COL28A1: variants seen among roughly 807,000 people sequenced by gnomAD.
COL28A1 encodes the protein collagen alpha-1(XXVIII) chain.
A neutral mutation model predicts 150.2 loss-of-function variants in COL28A1; 161 were observed. That is an observed-to-expected ratio of 1.07 (90% CI 0.94 to 1.22). The LOEUF is 1.22. COL28A1 is among the 50% of genes most tolerant of loss of function. COL28A1 has a pLI of 0.00. For synonymous variants in COL28A1, 552 were observed against 469.7 expected (o/e 1.18, Z -2.26); for missense variants, 1,617 against 1,388.3 (o/e 1.16, Z -2.62).
chr7:7,538,497 C>T (rs1228346687), upstream of COL28A1, among the ~76,000 whole-genome samples: 2 of 152,156 alleles, frequency 1.3e-5, no homozygotes, highest in Admixed American at 1.3e-4. Flanking sequence ...GTCTGTGATA[C>T]AATAAATTGC....
At chr7:7,365,852 G>A (rs373384418) in intron 33 of COL28A1, among the ~76,000 whole-genome samples, 29 of 152,046 alleles carry the variant, frequency 1.9e-4, no homozygotes, top group Non-Finnish European at 1.5e-5. Flanking sequence ...CTTCTTGATT[G>A]ATTCTCCCCA....
At chr7:7,421,406 C>G (rs756212798) in intron 25 of COL28A1, among the ~76,000 whole-genome samples, 7 of 152,066 alleles carry the variant, frequency 4.6e-5, no homozygotes, top group Admixed American at 6.5e-5. Context: ...AGCAAATTTA[C>G]TTAAAGAACC....
chr7:7,477,395 C>T (rs1788986452), intron 13 of COL28A1, among the ~76,000 whole-genome samples: 1 of 152,180 alleles, frequency 6.6e-6, no homozygotes, highest in South Asian at 2.1e-4. Flanking sequence ...ACAGCATTTA[C>T]ATTGTATTAG....
At chr7:7,454,104 C>A (rs1203349014) in intron 16 of COL28A1, among the ~76,000 whole-genome samples, 6 of 152,102 alleles carry the variant, frequency 3.9e-5, no homozygotes, top group African/African-American at 1.4e-4. Flanking sequence ...CATATGTGTA[C>A]ATTTGTATAT....
At chr7:7,354,894 T>C (rs566275373), downstream of COL28A1, among the ~76,000 whole-genome samples, 23 of 152,196 alleles carry the variant, frequency 1.5e-4, no homozygotes, top group African/African-American at 5.1e-4. Context: ...AAAGAGCTAA[T>C]AGGCTCCTAA....
intron 18 of COL28A1, among the ~76,000 whole-genome samples, chr7:7,449,977 A>T (rs1786558228): frequency 6.6e-6 from 1 of 152,152 alleles, no homozygotes; most frequent in African/African-American, 2.4e-5. Context: ...GTCAATAATA[A>T]CCAAGAAAGA....
intron 13 of COL28A1, among the ~76,000 whole-genome samples, chr7:7,477,900 G>C (rs528457052): frequency 6.6e-6 from 1 of 152,168 alleles, no homozygotes; most frequent in Non-Finnish European, 1.5e-5. Context: ...GCAGAGAGCT[G>C]ATTGGTCCGT....
At chr7:7,489,929 A>T (rs1053709382) in intron 12 of COL28A1, among the ~76,000 whole-genome samples, 1 of 152,186 alleles carries the variant, frequency 6.6e-6, no homozygotes, top group Non-Finnish European at 1.5e-5. Context: ...CCTTTCCTGG[A>T]GTCTCAATGT....
chr7:7,427,518 C>G (rs1008955494), intron 25 of COL28A1, among the ~76,000 whole-genome samples: 1 of 152,180 alleles, frequency 6.6e-6, no homozygotes, highest in African/African-American at 2.4e-5. Flanking sequence ...TAATGCATCT[C>G]TGTGTGAATC....
chr7:7,350,253 T>G, the COL28A1 span, among the ~76,000 whole-genome samples: 1 of 151,024 alleles, frequency 6.6e-6, no homozygotes, highest in East Asian at 2.0e-4. Flanking sequence ...ATATGAGGAG[T>G]GAGGGAGATG....
chr7:7,378,517 T>C (rs1315854954), intron 30 of COL28A1, among the ~76,000 whole-genome samples: 1 of 152,196 alleles, frequency 6.6e-6, no homozygotes, highest in Non-Finnish European at 1.5e-5. Context: ...GTGCCATCAA[T>C]GGCATTTGCC....
intron 23 of COL28A1, among the ~76,000 whole-genome samples, chr7:7,435,128 C>T (rs1342443818): frequency 6.6e-6 from 1 of 152,006 alleles, no homozygotes; most frequent in Non-Finnish European, 1.5e-5. Context: ...ACCTATAATG[C>T]CTAATAATCA....
At chr7:7,410,713 A>G (rs757456059) in intron 27 of COL28A1, among the ~76,000 whole-genome samples, 102 of 152,092 alleles carry the variant, frequency 6.7e-4, no homozygotes, top group Non-Finnish European at 9.1e-4. Flanking sequence ...TTCAAATGCC[A>G]AAGTCATAAT....
chr7:7,374,120 TATAAA>T (rs1393602861), intron 31 of COL28A1, among the ~76,000 whole-genome samples: 1 of 151,146 alleles, frequency 6.6e-6, no homozygotes, highest in Non-Finnish European at 1.5e-5. Flanking sequence ...TTTCTTGGAT[TATAAA>T]ATAAAATATT....
Position 7,375,527 on chromosome 7 carries a change from A to G in COL28A1, c.2323-30T>C, listed in dbSNP as rs755478963. 6 of 1,397,458 alleles carry G rather than the reference A, an allele frequency of 4.3e-6. No homozygotes were observed. In the Middle Eastern group the frequency reaches 5.5e-4, roughly 129 times the overall value. 86.6% of individuals were successfully genotyped at this position (1,397,458 alleles called of 1,614,324 possible). A position where few individuals can be genotyped will look rare whatever the true frequency, so the allele number is the denominator to read the frequency against. ...GGGATAAAAAGAAAAATGTATTACT[A>G]TATGTATGACTATAATATTTTTCCT... On this transcript the variant is annotated intron_variant, in intron 30 of 34. Transcript: ENST00000399429.
chr7:7,533,654 G>A (rs1241991864), intron 1 of COL28A1, among the ~76,000 whole-genome samples: 1 of 152,054 alleles, frequency 6.6e-6, no homozygotes, highest in Non-Finnish European at 1.5e-5. Context: ...CACCCCCTCT[G>A]AATAGCCCCG....
chr7:7,383,524 C>A (rs1014369167), intron 27 of COL28A1, among the ~76,000 whole-genome samples: 1 of 151,830 alleles, frequency 6.6e-6, no homozygotes, highest in Non-Finnish European at 1.5e-5. Flanking sequence ...GGTGATTCAC[C>A]TGCCTCGGCC....
intron 2 of COL28A1, 101 bp from the exon 3 acceptor site, chr7:7,532,005 T>C (rs1415727094): frequency 4.4e-6 from 3 of 678,160 alleles, no homozygotes; most frequent in East Asian, 5.3e-5. Context: ...TTGTTTGGTG[T>C]TGAGAGCAGC....
the COL28A1 span, among the ~76,000 whole-genome samples, chr7:7,542,469 G>A: frequency 6.6e-6 from 1 of 152,156 alleles, no homozygotes; most frequent in Non-Finnish European, 1.5e-5. Flanking sequence ...GTATAATTCT[G>A]TTAACTTTTC....
Sources: gnomAD v4.1 joint callset for allele counts (sites outside exome capture counted in the v4.1 genomes callset) on GRCh38, gnomAD v4.1.1 for gene constraint, MANE v1.5 for transcripts, NCBI Gene and HGNC (gene_info 2026-07-23, HGNC 2026-07-21) for gene names.